Variants in CCNG2 observed in about 807,000 individuals in gnomAD.
The protein encoded by CCNG2 is cyclin G2, also known as cyclin-G2.
Under a neutral mutation model 36.5 loss-of-function variants are expected in CCNG2, and 20 were observed. The ratio of observed to expected loss-of-function variants is 0.55; its 90% CI spans 0.39 to 0.80. The LOEUF (loss-of-function observed/expected upper bound fraction) is 0.80, where lower values mean the gene tolerates loss of function less well. CCNG2 is among the 30% of genes least tolerant of loss of function. The pLI is 0.00. For synonymous variants in CCNG2, 155 were observed against 140.1 expected (o/e 1.11, Z -0.75); for missense variants, 358 against 390.8 (o/e 0.92, Z 0.71).
chr4:77,168,481 A>G lies in CCNG2; in HGVS notation c.*2557A>G, dbSNP rs567207049. 9.8e-4 allele frequency: 149 copies of G among 152,316 alleles called. No homozygotes were observed. The highest frequency in any genetic ancestry group is 3.2e-3 in the African/African-American group (135 of 41,574). The allele number at this position is 152,316 out of a possible 1,614,324, so 9.4% of individuals were successfully genotyped here. ...TCACGCACAATCAGGAGAAAAATCT[A>G]TTCATGACATACAAGTCTCTGTCTA... is the stretch of plus-strand genomic sequence containing the variant. On this transcript the variant is annotated 3_prime_UTR_variant, in exon 8 of 8. Transcript: ENST00000316355.
At position 77,159,446 on chromosome 4, in the gene CCNG2, G is replaced by T. The variant is rs749575211; in HGVS notation, c.218G>T (p.Cys73Phe). 1 of 1,613,898 alleles carries T rather than the reference G, an allele frequency of 6.2e-7. No individual in the cohort carries two copies. The highest frequency in any genetic ancestry group is 1.1e-5 in the South Asian group (1 of 91,058). ...AGTTTAGCCAACTTTTTTGGATCTTGCACTGAAACTTTTGTCCTGGCTGTC... is the reference window on the plus strand; with the variant it reads ...AGTTTAGCCAACTTTTTTGGATCTTTCACTGAAACTTTTGTCCTGGCTGTC... ...LRSLANFFGSCTETFVLAVNI... is the reference protein window; with the variant it reads ...LRSLANFFGSFTETFVLAVNI... The change falls in exon 3 of 8, where the codon TGC (cysteine) becomes TTC (phenylalanine). Residue 73 changes from cysteine to phenylalanine, a missense_variant. Coordinates refer to ENST00000316355, the MANE Select transcript of CCNG2 (RefSeq NM_004354.3).
Position 77,166,980 on chromosome 4 carries a change from G to C in CCNG2, c.*1056G>C, listed in dbSNP as rs1020263503. On this transcript the variant is annotated 3_prime_UTR_variant, in exon 8 of 8. Transcript: ENST00000316355. Reference sequence around the variant, plus strand: ...ATTTTTAACTTTATAAATTGTATATGAACATGTAAATCTTTTAAAATGTAC... The same window carrying C: ...ATTTTTAACTTTATAAATTGTATATCAACATGTAAATCTTTTAAAATGTAC... The C allele has an allele frequency of 8.5e-5, 13 of 152,222 alleles. No individual in the cohort carries two copies. Among genetic ancestry groups the C allele is most frequent in the African/African-American group, 2.6e-4 (11 of 41,542 alleles). The allele number at this position is 152,222 out of a possible 1,614,324, so 9.4% of individuals were successfully genotyped here.
rs540374109 is a variant in CCNG2 at position 77,169,467 on chromosome 4, T to C, written c.*3543T>C. ...GATGGCCAGTCAGTCTTTCCATCCC[T>C]GTGCCTACATGCTGCTCTTCCCGTC... On this transcript the variant is annotated 3_prime_UTR_variant, in exon 8 of 8. Transcript: ENST00000316355. 3 of 152,408 alleles carry C rather than the reference T, an allele frequency of 2.0e-5. No individual in the cohort carries two copies. In the East Asian group the frequency reaches 5.8e-4, roughly 29 times the overall value. 9.4% of individuals were successfully genotyped at this position (152,408 alleles called of 1,614,324 possible).
chr4:77,161,025 T>A (rs906364251), intron 4 of CCNG2, 54 bp downstream of exon 4: 7 of 1,300,714 alleles, frequency 5.4e-6, no homozygotes, highest in Admixed American at 4.7e-5. Flanking sequence ...TAGCTAACAG[T>A]AAATAATTGG....
intron 1 of CCNG2, among the ~76,000 whole-genome samples, chr4:77,157,921 G>C (rs1201440604): frequency 6.6e-6 from 1 of 152,070 alleles, no homozygotes; most frequent in African/African-American, 2.4e-5. Flanking sequence ...CCGTAGCCGG[G>C]TGTGCCGCGC....
At chr4:77,165,613 A>AG (rs1199286929) in intron 7 of CCNG2, among the ~76,000 whole-genome samples, 188 bp from the exon 8 acceptor site, 2 of 152,106 alleles carry the variant, frequency 1.3e-5, no homozygotes, top group East Asian at 3.9e-4. Context: ...AGTCCAAAAA[A>AG]TCTATATTTT....
Position 77,165,886 on chromosome 4 carries a change from A to G in CCNG2, c.997A>G (p.Asn333Asp). The change falls in exon 8 of 8, where the codon AAC (asparagine) becomes GAC (aspartate). Residue 333 changes from asparagine to aspartate, a missense_variant. Physicochemically the swap from Asn to Asp is conservative, Grantham distance 23. Coordinates refer to ENST00000316355, the MANE Select transcript of CCNG2 (RefSeq NM_004354.3). ...PSDQECTFFF[N>D]FKVAQTLCFP... ...TGATCAAGAGTGCACCTTCTTTTTC[A>G]ACTTCAAAGTGGCACAAACACTGTG... The G allele has an allele frequency of 1.2e-6, 2 of 1,611,616 alleles. No individual in the cohort carries two copies. The highest frequency in any genetic ancestry group is 2.7e-5 in the African/African-American group (2 of 74,914).
chr4:77,158,400 G>A (rs2109914135), intron 1 of CCNG2, 133 bp from the exon 2 acceptor site: 2 of 818,402 alleles, frequency 2.4e-6, no homozygotes, highest in South Asian at 3.3e-5. Context: ...GGACGTGACT[G>A]GTCCCTTCAC....
intron 2 of CCNG2, among the ~76,000 whole-genome samples, chr4:77,159,051 C>T (rs903637503): frequency 2.6e-5 from 4 of 152,218 alleles, no homozygotes; most frequent in Non-Finnish European, 4.4e-5. Context: ...CAAAAGAACC[C>T]TTTCTCTCCA....
chr4:77,159,734 G>A (rs1731375995), intron 3 of CCNG2, among the ~76,000 whole-genome samples: 1 of 152,108 alleles, frequency 6.6e-6, no homozygotes, highest in Admixed American at 6.5e-5. Flanking sequence ...ACTTTCTCTT[G>A]AATATGTGAC....
At chr4:77,157,923 G>A (rs1731309892) in intron 1 of CCNG2, among the ~76,000 whole-genome samples, 1 of 151,934 alleles carries the variant, frequency 6.6e-6, no homozygotes, top group African/African-American at 2.4e-5. Context: ...GTAGCCGGGT[G>A]TGCCGCGCCA....
In CCNG2 at chr4:77,164,260, T is replaced by C; in HGVS notation, c.706-14T>C. 1 of 1,600,790 alleles carries C rather than the reference T, an allele frequency of 6.2e-7. No homozygotes were observed. Among genetic ancestry groups the C allele is most frequent in the Non-Finnish European group, 8.6e-7 (1 of 1,168,208 alleles). ...GAGACATTGCCGTAACCTCTTAAAA[T>C]ATTTTTTTTTCAGATTAATGACACT... On this transcript the variant is annotated splice_polypyrimidine_tract_variant and intron_variant, in intron 6 of 7. Coordinates refer to ENST00000316355, the MANE Select transcript of CCNG2 (RefSeq NM_004354.3).
intron 7 of CCNG2, among the ~76,000 whole-genome samples, chr4:77,165,349 G>A (rs1253957724): frequency 6.6e-6 from 1 of 151,774 alleles, no homozygotes; most frequent in Non-Finnish European, 1.5e-5. Flanking sequence ...CTTGCTGATA[G>A]TTATTAATTG....
At chr4:77,164,695 T>G (rs1731581644) in intron 7 of CCNG2, 1 of 470,324 alleles carries the variant, frequency 2.1e-6, no homozygotes, top group South Asian at 3.3e-5. Context: ...TTTAGTTTTT[T>G]TCTTTTTTAT....
chr4:77,166,008 C>A lies in CCNG2; in HGVS notation c.*84C>A. Reference sequence around the variant, plus strand: ...ATAGGTAGTTTCCTGGTTTAGCCCCCATCTAGTCAGGAATTAATATACTGG... The same window carrying A: ...ATAGGTAGTTTCCTGGTTTAGCCCCAATCTAGTCAGGAATTAATATACTGG... On this transcript the variant is annotated 3_prime_UTR_variant, in exon 8 of 8. Transcript: ENST00000316355. 7.5e-7 allele frequency: 1 copy of A among 1,341,002 alleles called. No homozygotes were observed. Among genetic ancestry groups the A allele is most frequent in the Non-Finnish European group, 1.0e-6 (1 of 987,622 alleles). The allele number at this position is 1,341,002 out of a possible 1,614,324, so 83.1% of individuals were successfully genotyped here. A position where few individuals can be genotyped will look rare whatever the true frequency, so the allele number is the denominator to read the frequency against.
In CCNG2 at chr4:77,168,289, C is replaced by G. The variant is rs1004780342; in HGVS notation, c.*2365C>G. 2 of 152,208 alleles carry G rather than the reference C, an allele frequency of 1.3e-5. No homozygotes were observed. Among genetic ancestry groups the G allele is most frequent in the Non-Finnish European group, 2.9e-5 (2 of 68,046 alleles). The allele number at this position is 152,208 out of a possible 1,614,324, so 9.4% of individuals were successfully genotyped here. A position where few individuals can be genotyped will look rare whatever the true frequency, so the allele number is the denominator to read the frequency against. On this transcript the variant is annotated 3_prime_UTR_variant, in exon 8 of 8. Coordinates refer to ENST00000316355, the MANE Select transcript of CCNG2 (RefSeq NM_004354.3). ...CACTGTTTATATCTCTCTGTCCCCCCTTTTTCTGCCATTGGCATGGTTTAG... is the reference window on the plus strand; with the variant it reads ...CACTGTTTATATCTCTCTGTCCCCCGTTTTTCTGCCATTGGCATGGTTTAG...
chr4:77,169,820 C>T lies in CCNG2; in HGVS notation c.*3896C>T, dbSNP rs1427037714. 1 of 152,210 alleles carries T rather than the reference C, an allele frequency of 6.6e-6. No homozygotes were observed. Among genetic ancestry groups the T allele is most frequent in the Non-Finnish European group, 1.5e-5 (1 of 68,048 alleles). 9.4% of individuals were successfully genotyped at this position (152,210 alleles called of 1,614,324 possible). A position where few individuals can be genotyped will look rare whatever the true frequency, so the allele number is the denominator to read the frequency against. ...TACTCAGTCGATCCCAATCAACCCA[C>T]AGACTCACTAGAAATAACAAATTAT... On this transcript the variant is annotated 3_prime_UTR_variant, in exon 8 of 8. Transcript: ENST00000316355.
At chr4:77,165,112 T>C (rs1441353270) in intron 7 of CCNG2, 1 of 152,224 alleles carries the variant, frequency 6.6e-6, no homozygotes, top group Admixed American at 6.5e-5. Context: ...TTACTTTGTT[T>C]GTAAAGTGAA....
chr4:77,160,837 T>C lies in CCNG2; in HGVS notation c.393T>C (p.Cys131=). ...ATGATGTGATCCGGATTAGTCAGTG[T>C]AAATGTACTGCTTCTGACATAAAAC... ...STHDVIRISQ[C]KCTASDIKRM... Residue 131 remains cysteine, a synonymous_variant, in exon 4 of 8, where the codon TGT becomes TGC. Coordinates refer to ENST00000316355, the MANE Select transcript of CCNG2 (RefSeq NM_004354.3). The C allele has an allele frequency of 6.2e-7, 1 of 1,614,074 alleles. No individual in the cohort carries two copies. Among genetic ancestry groups the C allele is most frequent in the Non-Finnish European group, 8.5e-7 (1 of 1,179,994 alleles).
Sources: allele counts gnomAD v4.1 joint callset (sites outside exome capture counted in the v4.1 genomes callset), GRCh38; gene constraint gnomAD v4.1.1; transcripts MANE v1.5; gene names NCBI Gene and HGNC (gene_info 2026-07-23, HGNC 2026-07-21).